TAPT1: variants seen among roughly 807,000 people sequenced by gnomAD.
TAPT1 encodes transmembrane anterior posterior transformation protein 1 homolog.
TAPT1 carries 28 observed loss-of-function variants against 65.6 expected under a neutral mutation model. The observed-to-expected ratio is 0.43, with a 90% confidence interval of 0.32 to 0.59. The LOEUF (loss-of-function observed/expected upper bound fraction) is 0.59, where lower values mean the gene tolerates loss of function less well. Among genes scored for constraint, TAPT1 ranks in the 20% least tolerant of loss-of-function variants. The pLI, the probability that TAPT1 is intolerant of heterozygous loss-of-function variation, is 0.09. For missense variants in TAPT1, 563 were observed against 679.9 expected (o/e 0.83, Z 1.91); for synonymous variants, 278 against 245.2 (o/e 1.13, Z -1.25).
At position 16,174,628 on chromosome 4, in the gene TAPT1, T is replaced by TGCCTTTGTTAATTTCAGACTAC. The variant is rs752709567; in HGVS notation, c.1167+20_1167+41dup. 272 of 1,503,208 alleles carry TGCCTTTGTTAATTTCAGACTAC rather than the reference T, an allele frequency of 1.8e-4. 1 individual carries two copies. The highest frequency in any genetic ancestry group is 2.4e-4 in the Non-Finnish European group (263 of 1,107,434). 93.1% of individuals were successfully genotyped at this position (1,503,208 alleles called of 1,614,324 possible). A position where few individuals can be genotyped will look rare whatever the true frequency, so the allele number is the denominator to read the frequency against. On this transcript the variant is annotated intron_variant, in intron 10 of 13. Transcript: ENST00000405303. ...TCATTATTCAGTTAATTTCAGACTA[T>TGCCTTTGTTAATTTCAGACTAC]GCCTTTGTTAATTTCAGACTACGCC...
intron 3 of TAPT1, among the ~76,000 whole-genome samples, chr4:16,202,249 G>C (rs112363301): frequency 1.1e-4 from 17 of 151,824 alleles, no homozygotes; most frequent in African/African-American, 4.1e-4. Context: ...GCAAAGTTTC[G>C]GTTCAAAACA....
At chr4:16,209,313 C>T (rs1750525805) in intron 2 of TAPT1, among the ~76,000 whole-genome samples, 1 of 152,128 alleles carries the variant, frequency 6.6e-6, no homozygotes, top group Admixed American at 6.6e-5. Context: ...CACGTTGTAT[C>T]CTGTATTATA....
rs371302551 is a variant in TAPT1 at position 16,219,211 on chromosome 4, T to C, written c.200-5313A>G. Among the ~76,000 whole-genome samples the C allele has an allele frequency of 3.0e-4, 45 of 152,298 alleles. No individual in the cohort carries two copies. In the South Asian group the frequency reaches 8.5e-3, roughly 29 times the overall value. On this transcript the variant is annotated intron_variant, in intron 1 of 13. Transcript: ENST00000405303. ...AGCCAGAATTCAAAGTCAAGCAGTC[T>C]ATGGCTAGAGAGTGTGCTTTTCACC...
At chr4:16,215,785 A>G (rs1750906659) in intron 1 of TAPT1, among the ~76,000 whole-genome samples, 1 of 152,234 alleles carries the variant, frequency 6.6e-6, no homozygotes, top group African/African-American at 2.4e-5. Context: ...CACATAGAGT[A>G]GAACTTCTGG....
At chr4:16,169,175 G>A (rs150630221) in intron 12 of TAPT1, among the ~76,000 whole-genome samples, 5 of 152,310 alleles carry the variant, frequency 3.3e-5, no homozygotes, top group African/African-American at 9.6e-5. Flanking sequence ...CTGGCTGGCT[G>A]CACTATCCAG....
chr4:16,186,558 T>C lies in TAPT1; in HGVS notation c.893A>G (p.Asn298Ser), dbSNP rs200147947. 68 of 1,533,688 alleles carry C rather than the reference T, an allele frequency of 4.4e-5. No homozygotes were observed. The highest frequency in any genetic ancestry group is 5.5e-5 in the Non-Finnish European group (62 of 1,129,892). ...ACCGCTATTTGACATTTGAAAGAGATTGTTCTTTTCAAACTTCTTGAAAAC... is the reference window on the plus strand; with the variant it reads ...ACCGCTATTTGACATTTGAAAGAGACTGTTCTTTTCAAACTTCTTGAAAAC... ...GSVFKKFEKN[N>S]LFQMSNSDIK... is the part of the protein sequence containing the mutation. The change falls in exon 7 of 14, where the codon AAT (asparagine) becomes AGT (serine). Residue 298 changes from asparagine to serine, a missense_variant. Physicochemically the swap from Asn to Ser is conservative, Grantham distance 46. This residue lies in a region of TAPT1 where 217 missense variants were observed against 317.5 expected (regional missense o/e 0.68). Transcript: ENST00000405303.
rs752376065 is a variant in TAPT1 at position 16,188,208 on chromosome 4, C to G, written c.748+12G>C. 2.5e-6 allele frequency: 4 copies of G among 1,590,016 alleles called. No homozygotes were observed. In the South Asian group the frequency reaches 4.7e-5, roughly 19 times the overall value. ...TAACTGTCGGAAATTTCCAGTAGGT[C>G]TATAAGGATACAGACATAGAGAACA... On this transcript the variant is annotated intron_variant, in intron 5 of 13. Transcript: ENST00000405303.
At chr4:16,226,146 G>A in intron 1 of TAPT1, 113 bp downstream of exon 1, 3 of 1,029,370 alleles carry the variant, frequency 2.9e-6, no homozygotes, top group Non-Finnish European at 3.5e-6. Context: ...GGGAGCCCCG[G>A]GAGGCAACGG....
At chr4:16,176,900 TAGA>T (rs1748367819) in intron 8 of TAPT1, 1 of 152,216 alleles carries the variant, frequency 6.6e-6, no homozygotes, top group African/African-American at 2.4e-5. Context: ...AGTAAATAGC[TAGA>T]AGAGATGTGC....
Position 16,215,099 on chromosome 4 carries a change from G to A in TAPT1, c.200-1201C>T, listed in dbSNP as rs556270013. ...GAGGTCAGGAGTTCAAGACCAGCCTGGCCAACATAGTGAAACCTATCTACT... is the reference window on the plus strand; with the variant it reads ...GAGGTCAGGAGTTCAAGACCAGCCTAGCCAACATAGTGAAACCTATCTACT... On this transcript the variant is annotated intron_variant, in intron 1 of 13. Coordinates refer to ENST00000405303, the MANE Select transcript of TAPT1 (RefSeq NM_153365.3). Among the ~76,000 whole-genome samples, 177 of 152,182 alleles carry A rather than the reference G, an allele frequency of 1.2e-3. 2 individuals carry two copies. Among genetic ancestry groups the A allele is most frequent in the African/African-American group, 4.1e-3 (171 of 41,522 alleles).
chr4:16,191,222 A>G (rs1749352344), intron 4 of TAPT1, 139 bp downstream of exon 4: 1 of 823,032 alleles, frequency 1.2e-6, no homozygotes, highest in South Asian at 2.5e-5. Flanking sequence ...AGAGCCCCCA[A>G]GTGATGACAG....
intron 3 of TAPT1, 117 bp from the exon 4 acceptor site, chr4:16,191,640 T>G: frequency 8.6e-7 from 1 of 1,157,626 alleles, no homozygotes; most frequent in East Asian, 2.6e-5. Flanking sequence ...ATTATGTTGA[T>G]CTTTTAAAAA....
intron 1 of TAPT1, among the ~76,000 whole-genome samples, chr4:16,219,528 T>C (rs1035410901): frequency 6.6e-6 from 1 of 152,228 alleles, no homozygotes; most frequent in Admixed American, 6.5e-5. Context: ...GGCTGGGGAA[T>C]GGTTTTAAAT....
At chr4:16,172,075 A>G (rs1411866398) in intron 11 of TAPT1, among the ~76,000 whole-genome samples, 2 of 152,162 alleles carry the variant, frequency 1.3e-5, no homozygotes, top group Non-Finnish European at 2.9e-5. Flanking sequence ...GTGCTATGGA[A>G]GGAAGCCCAC....
At position 16,163,136 on chromosome 4, in the gene TAPT1, C is replaced by G. The variant is rs1236742427; in HGVS notation, c.*172G>C. 1.5e-6 allele frequency: 1 copy of G among 664,576 alleles called. No individual in the cohort carries two copies. The highest frequency in any genetic ancestry group is 1.8e-5 in the African/African-American group (1 of 55,824). 41.2% of individuals were successfully genotyped at this position (664,576 alleles called of 1,614,324 possible). A position where few individuals can be genotyped will look rare whatever the true frequency, so the allele number is the denominator to read the frequency against. ...CCGGAGGTCGCTCCTGTCCTGTGGT[C>G]TGACCCTCAGCCAGGCCATATTACT... is the stretch of plus-strand genomic sequence containing the variant. On this transcript the variant is annotated 3_prime_UTR_variant, in exon 14 of 14. Transcript: ENST00000405303.
chr4:16,200,284 G>A (rs964908035), intron 3 of TAPT1, among the ~76,000 whole-genome samples: 2 of 152,138 alleles, frequency 1.3e-5, no homozygotes, highest in African/African-American at 4.8e-5. Context: ...AAGTAATGTA[G>A]CTCATAATGT....
At chr4:16,180,081 T>C (rs1056439161) in intron 7 of TAPT1, among the ~76,000 whole-genome samples, 2 of 152,160 alleles carry the variant, frequency 1.3e-5, no homozygotes, top group Non-Finnish European at 2.9e-5. Flanking sequence ...TCCCAGACTA[T>C]TTCCAATCTG....
At chr4:16,203,704 T>C (rs752760506) in intron 2 of TAPT1, among the ~76,000 whole-genome samples, 3 of 152,112 alleles carry the variant, frequency 2.0e-5, no homozygotes, top group Non-Finnish European at 2.9e-5. Flanking sequence ...TGACACTCGA[T>C]TGCACACTTC....
intron 3 of TAPT1, among the ~76,000 whole-genome samples, chr4:16,192,107 A>G (rs776179912): frequency 3.3e-5 from 5 of 152,228 alleles, no homozygotes; most frequent in African/African-American, 4.8e-5. Flanking sequence ...CACATATATG[A>G]AAGTGTATCT....
Sources: allele counts gnomAD v4.1 joint callset (sites outside exome capture counted in the v4.1 genomes callset), GRCh38; gene constraint gnomAD v4.1.1; regional missense constraint gnomAD v4.1.1; transcripts MANE v1.5; gene names NCBI Gene and HGNC (gene_info 2026-07-23, HGNC 2026-07-21).